CENPQ: variants seen among roughly 807,000 people sequenced by gnomAD.
CENPQ encodes centromere protein Q.
In CENPQ, 27 loss-of-function variants were observed where a neutral mutation model predicts 36.6. The observed-to-expected ratio is 0.74, with a 90% CI of 0.54 to 1.02. The LOEUF is 1.02. CENPQ is among the 50% of genes least tolerant of loss of function. The pLI, the probability that CENPQ is intolerant of heterozygous loss-of-function variation, is 0.00. For missense variants in CENPQ, 306 were observed against 301.8 expected (o/e 1.01, Z -0.10); for synonymous variants, 101 against 101.7 (o/e 0.99, Z 0.04).
intron 5 of CENPQ, among the ~76,000 whole-genome samples, chr6:49,478,798 C>G (rs1463730199): frequency 6.6e-6 from 1 of 152,094 alleles, no homozygotes; most frequent in Non-Finnish European, 1.5e-5. Flanking sequence ...AACTATTCGC[C>G]ATTACAATTC....
chr6:49,470,036 TTA>T, intron 1 of CENPQ, 121 bp from the exon 2 acceptor site: 4 of 528,296 alleles, frequency 7.6e-6, no homozygotes, highest in Non-Finnish European at 1.3e-5. Context: ...TGATTTTTCT[TTA>T]AAAAAAAAAA....
At chr6:49,477,306 A>C (rs1464482703) in intron 5 of CENPQ, among the ~76,000 whole-genome samples, 1 of 151,988 alleles carries the variant, frequency 6.6e-6, no homozygotes, top group African/African-American at 2.4e-5. Context: ...CATTCTCAGC[A>C]AACTATCACA....
intron 5 of CENPQ, among the ~76,000 whole-genome samples, chr6:49,474,317 C>G (rs1322113829): frequency 1.3e-5 from 2 of 152,158 alleles, no homozygotes; most frequent in Non-Finnish European, 1.5e-5. Context: ...AACAAACTGT[C>G]TCTCAGACCA....
At chr6:49,479,351 A>C (rs1256506864) in intron 5 of CENPQ, among the ~76,000 whole-genome samples, 2 of 152,222 alleles carry the variant, frequency 1.3e-5, no homozygotes, top group East Asian at 1.9e-4. Context: ...AAAAGAAAAC[A>C]TACATGCGGC....
intron 8 of CENPQ, among the ~76,000 whole-genome samples, chr6:49,491,716 G>C (rs1768725655): frequency 6.6e-6 from 1 of 152,142 alleles, no homozygotes; most frequent in South Asian, 2.1e-4. Context: ...AGGAGTTCGA[G>C]AACAGCCTGA....
chr6:49,486,284 T>A (rs943411107), intron 6 of CENPQ, among the ~76,000 whole-genome samples: 1 of 152,232 alleles, frequency 6.6e-6, no homozygotes, highest in East Asian at 1.9e-4. Context: ...TTTGTACTTC[T>A]GTCCTCCAGA....
intron 6 of CENPQ, among the ~76,000 whole-genome samples, chr6:49,485,892 G>A (rs902038414): frequency 5.3e-5 from 8 of 151,910 alleles, no homozygotes; most frequent in Non-Finnish European, 1.0e-4. Context: ...ATTTTATAAT[G>A]AGAAATTTTA....
At chr6:49,483,815 A>T (rs1768514346) in intron 6 of CENPQ, among the ~76,000 whole-genome samples, 1 of 152,172 alleles carries the variant, frequency 6.6e-6, no homozygotes, top group Admixed American at 6.5e-5. Context: ...ACCTCCCTGC[A>T]AGCTGAGGGA....
At chr6:49,473,576 G>T (rs907661363) in intron 5 of CENPQ, among the ~76,000 whole-genome samples, 6 of 152,148 alleles carry the variant, frequency 3.9e-5, no homozygotes, top group African/African-American at 1.2e-4. Context: ...ATGCCAAATT[G>T]TAAAGACCAT....
rs1040945864 is a variant in CENPQ, at chr6:49,492,149, A to C, written c.681A>C (p.Glu227Asp). ...KTLKAPTLQK[E>D]ILALIPNQNA... The stretch of plus-strand genomic sequence containing the variant: ...TAATACTATCTTTCCCACAGAAAGA[A>C]ATTTTGGCGCTAATTCCAAACCAGA... Residue 227 changes from glutamate to aspartate, a missense_variant, in exon 9 of 9, where the codon GAA becomes GAC. By Grantham distance (45) the Glu-to-Asp change is conservative. Transcript: ENST00000335783. The C allele has an allele frequency of 1.9e-6, 3 of 1,596,220 alleles. No homozygotes were observed. In the Admixed American group the frequency reaches 5.4e-5, roughly 29 times the overall value.
rs1768745888 is a variant in CENPQ, at chr6:49,492,473, A to C, written c.*198A>C. On this transcript the variant is annotated 3_prime_UTR_variant, in exon 9 of 9. Transcript: ENST00000335783. ...TGAAGACTGTTTTTAGCAGTTGCCA[A>C]ATCTAGGAAACTAACATTTATATTG... is the stretch of plus-strand genomic sequence containing the variant. 4.4e-6 allele frequency: 2 copies of C among 453,936 alleles called. No homozygotes were observed. The highest frequency in any genetic ancestry group is 2.0e-5 in the African/African-American group (1 of 48,834). The allele number at this position is 453,936 out of a possible 1,614,324, so 28.1% of individuals were successfully genotyped here. A position where few individuals can be genotyped will look rare whatever the true frequency, so the allele number is the denominator to read the frequency against.
chr6:49,482,943 G>C (rs552575062), intron 6 of CENPQ, among the ~76,000 whole-genome samples: 1 of 152,282 alleles, frequency 6.6e-6, no homozygotes, highest in South Asian at 2.1e-4. Context: ...CCCAAAGAGT[G>C]AGCAGTAGCA....
chr6:49,473,375 A>G (rs1768191378), intron 5 of CENPQ, among the ~76,000 whole-genome samples: 2 of 152,196 alleles, frequency 1.3e-5, no homozygotes, highest in Non-Finnish European at 2.9e-5. Context: ...TTCAATAATT[A>G]CTTTTCTCTA....
At chr6:49,483,306 G>C (rs1429148539) in intron 6 of CENPQ, among the ~76,000 whole-genome samples, 1 of 152,176 alleles carries the variant, frequency 6.6e-6, no homozygotes, top group East Asian at 1.9e-4. Context: ...CCCTTAGCTA[G>C]ACATAAAGGT....
chr6:49,468,868 G>A (rs1410120889), intron 1 of CENPQ, among the ~76,000 whole-genome samples: 1 of 151,254 alleles, frequency 6.6e-6, no homozygotes, highest in Non-Finnish European at 1.5e-5. Flanking sequence ...TATTGTACAT[G>A]TCAGCCCTTC....
intron 5 of CENPQ, among the ~76,000 whole-genome samples, chr6:49,476,315 CA>C (rs1768290222): frequency 6.6e-6 from 1 of 152,092 alleles, no homozygotes; most frequent in Non-Finnish European, 1.5e-5. Flanking sequence ...CAAAAACAAG[CA>C]ATGGGGAAAG....
Position 49,488,454 on chromosome 6 carries a change from G to A in CENPQ, c.580G>A (p.Glu194Lys). The change falls in exon 7 of 9, where the codon GAG becomes AAG. Residue 194 changes from glutamate to lysine, a missense_variant. Glu to Lys is a moderately conservative substitution (Grantham distance 56). Coordinates refer to ENST00000335783, the MANE Select transcript of CENPQ (RefSeq NM_018132.4). ...QILASEVEEE[E>K]ERVKQMHQIN... ...TCTGGCAAGTGAGGTGGAAGAAGAA[G>A]AGGAGAGAGTAAAACAGGTAATTAT... 8 of 1,613,010 alleles carry A rather than the reference G, an allele frequency of 5.0e-6. No homozygotes were observed. The highest frequency in any genetic ancestry group is 6.8e-6 in the Non-Finnish European group (8 of 1,179,262).
At chr6:49,485,683 G>A (rs1267744188) in intron 6 of CENPQ, among the ~76,000 whole-genome samples, 1 of 151,910 alleles carries the variant, frequency 6.6e-6, no homozygotes, top group Non-Finnish European at 1.5e-5. Flanking sequence ...AAACCTTGCA[G>A]ATATGTAGAC....
At chr6:49,482,396 C>CTA (rs1768458296) in intron 6 of CENPQ, among the ~76,000 whole-genome samples, 1 of 152,188 alleles carries the variant, frequency 6.6e-6, no homozygotes, top group African/African-American at 2.4e-5. Flanking sequence ...AATCCCCCCT[C>CTA]TAAACAGGAC....
Sources: gnomAD v4.1 joint callset for allele counts (sites outside exome capture counted in the v4.1 genomes callset) on GRCh38, gnomAD v4.1.1 for gene constraint, MANE v1.5 for transcripts, NCBI Gene and HGNC (gene_info 2026-07-23, HGNC 2026-07-21) for gene names.